Variants in PKP2 observed in about 807,000 individuals in gnomAD.
The protein encoded by PKP2 is plakophilin 2.
Under a neutral mutation model 83.4 loss-of-function variants are expected in PKP2, and 73 were observed. The ratio of observed to expected loss-of-function variants is 0.88; its 90% CI spans 0.72 to 1.06. The LOEUF is 1.06. PKP2 is among the 50% of genes least tolerant of loss of function. The pLI is 0.00. For synonymous variants in PKP2, 409 were observed against 430.4 expected, an observed-to-expected ratio of 0.95 and a Z score of 0.62; for missense variants, 966 against 1,065.4, an observed-to-expected ratio of 0.91 and a Z score of 1.30.
chr12:32,802,156 C>G (rs1480541180), intron 10 of PKP2, among the ~76,000 whole-genome samples: 2 of 147,370 alleles, frequency 1.4e-5, no homozygotes, highest in Non-Finnish European at 3.0e-5. Context: ...TATTAGTATG[C>G]TCTAAAATTT....
chr12:32,889,649 G>A (rs945524099), intron 1 of PKP2, among the ~76,000 whole-genome samples: 23 of 152,234 alleles, frequency 1.5e-4, no homozygotes, highest in Admixed American at 1.2e-3. Context: ...TAAAATGTGA[G>A]TATGATAGTC....
intron 4 of PKP2, among the ~76,000 whole-genome samples, chr12:32,865,794 TAA>T (rs921084977): frequency 2.0e-5 from 3 of 150,948 alleles, no homozygotes; most frequent in African/African-American, 7.4e-5. Flanking sequence ...AGCAGTGAAA[TAA>T]AAGTCTTTGC....
At chr12:32,893,032 A>G (rs895506673) in intron 1 of PKP2, among the ~76,000 whole-genome samples, 6 of 152,226 alleles carry the variant, frequency 3.9e-5, no homozygotes, top group Admixed American at 3.9e-4. Flanking sequence ...GTTACAGCCA[A>G]CTTTAAAATG....
At chr12:32,820,492 AGAG>A (rs1956365742) in intron 9 of PKP2, 1 of 152,248 alleles carries the variant, frequency 6.6e-6, no homozygotes, top group African/African-American at 2.4e-5. Context: ...GCATCTGGAA[AGAG>A]GATCAGCTCT....
At chr12:32,859,854 AAAAC>A (rs1339043274) in intron 4 of PKP2, among the ~76,000 whole-genome samples, 5 of 152,098 alleles carry the variant, frequency 3.3e-5, no homozygotes, top group African/African-American at 4.8e-5. Context: ...CAGATTAACA[AAAAC>A]AAACAAAAGA....
chr12:32,818,047 C>T (rs1956336322), intron 9 of PKP2, among the ~76,000 whole-genome samples: 2 of 152,178 alleles, frequency 1.3e-5, no homozygotes, highest in Admixed American at 1.3e-4. Context: ...TATCTCTCCC[C>T]AGCCTAGTCT....
intron 5 of PKP2, among the ~76,000 whole-genome samples, chr12:32,848,290 G>C (rs1392327079): frequency 1.3e-5 from 2 of 152,124 alleles, no homozygotes; most frequent in Non-Finnish European, 2.9e-5. Context: ...TGGGCGTGGT[G>C]GTGGGCACCT....
intron 5 of PKP2, among the ~76,000 whole-genome samples, chr12:32,849,368 C>T (rs1306982430): frequency 6.6e-6 from 1 of 152,120 alleles, no homozygotes; most frequent in African/African-American, 2.4e-5. Context: ...AGGCACACAC[C>T]ACTAACACAC....
intron 5 of PKP2, among the ~76,000 whole-genome samples, chr12:32,847,890 C>T (rs1956661545): frequency 1.3e-5 from 2 of 151,892 alleles, no homozygotes; most frequent in Admixed American, 1.3e-4. Context: ...CTCATGAGCC[C>T]AGAAGAACAG....
intron 3 of PKP2, among the ~76,000 whole-genome samples, chr12:32,874,001 C>G (rs1248549444): frequency 6.6e-6 from 1 of 152,058 alleles, no homozygotes; most frequent in African/African-American, 2.4e-5. Flanking sequence ...TTTAGAACAT[C>G]GGTTTCATCA....
At chr12:32,831,513 T>C (rs1956501661) in intron 6 of PKP2, among the ~76,000 whole-genome samples, 1 of 152,256 alleles carries the variant, frequency 6.6e-6, no homozygotes, top group Non-Finnish European at 1.5e-5. Context: ...AATTCTTTTT[T>C]CTGCCCAAGA....
chr12:32,878,523 A>G lies in PKP2; in HGVS notation c.357T>C (p.Tyr119=), dbSNP rs758097199. The change falls in exon 3 of 13, where the codon TAT becomes TAC. Residue 119 remains tyrosine (Y), a synonymous_variant. Coordinates refer to ENST00000340811, the MANE Select transcript of PKP2 (RefSeq NM_001005242.3). ...CTGTTCCTCTTCCCCAGCGACCTTC[A>G]TAAGTGGCAGTTGTGCCAGCCTGCA... The part of the protein sequence containing the change: ...DMLKAGTTAT[Y]EGRWGRGTAQ... The G allele has an allele frequency of 2.5e-6, 4 of 1,612,104 alleles. No homozygotes were observed. Among genetic ancestry groups the G allele is most frequent in the South Asian group, 2.2e-5 (2 of 90,654 alleles).
intron 5 of PKP2, among the ~76,000 whole-genome samples, chr12:32,842,692 C>T (rs546856285): frequency 1.3e-5 from 2 of 152,222 alleles, no homozygotes; most frequent in South Asian, 2.1e-4. Flanking sequence ...TTTTCTCCCC[C>T]GAGATGGAGT....
At chr12:32,850,176 G>A (rs1956683163) in intron 5 of PKP2, among the ~76,000 whole-genome samples, 1 of 152,166 alleles carries the variant, frequency 6.6e-6, no homozygotes, top group South Asian at 2.1e-4. Flanking sequence ...TTGTTTTAAA[G>A]ACATTTAGTC....
intron 9 of PKP2, chr12:32,819,996 T>C (rs937241023): frequency 2.0e-5 from 3 of 151,416 alleles, no homozygotes; most frequent in Non-Finnish European, 4.4e-5. Flanking sequence ...CATAGGAAAA[T>C]GGGGAATAAC....
chr12:32,794,922 G>C (rs1391940881), intron 11 of PKP2, among the ~76,000 whole-genome samples: 3 of 152,178 alleles, frequency 2.0e-5, no homozygotes, highest in Non-Finnish European at 4.4e-5. Context: ...CTGTAGTAGA[G>C]GTAACATGTA....
Position 32,791,987 on chromosome 12 carries a change from C to A in PKP2, c.*437G>T, listed in dbSNP as rs942335946. 4.0e-6 allele frequency: 1 copy of A among 251,888 alleles called. No individual in the cohort carries two copies. Among genetic ancestry groups the A allele is most frequent in the African/African-American group, 2.3e-5 (1 of 43,752 alleles). 15.6% of individuals were successfully genotyped at this position (251,888 alleles called of 1,614,324 possible). ...TCATTTCCATTCTGTTTCAACACTGCAGAACAATACACTGGAGGCCCAATG... is the reference window on the plus strand; with the variant it reads ...TCATTTCCATTCTGTTTCAACACTGAAGAACAATACACTGGAGGCCCAATG... On this transcript the variant is annotated 3_prime_UTR_variant, in exon 13 of 13. Transcript: ENST00000340811.
intron 11 of PKP2, among the ~76,000 whole-genome samples, chr12:32,795,528 G>A (rs1592725922): frequency 1.3e-5 from 2 of 152,098 alleles, no homozygotes; most frequent in South Asian, 2.1e-4. Context: ...TTACAGACAC[G>A]CACCACCACA....
intron 3 of PKP2, among the ~76,000 whole-genome samples, chr12:32,870,035 A>C (rs1394168525): frequency 3.3e-5 from 5 of 152,210 alleles, no homozygotes; most frequent in Non-Finnish European, 7.3e-5. Flanking sequence ...TTTCAAAAAC[A>C]AACAAACAAA....
Sources: allele counts gnomAD v4.1 joint callset (sites outside exome capture counted in the v4.1 genomes callset), GRCh38; gene constraint gnomAD v4.1.1; transcripts MANE v1.5; gene names NCBI Gene and HGNC (gene_info 2026-07-23, HGNC 2026-07-21).